The following ATP8A2 variants were observed in gnomAD, a reference collection of about 807,000 sequenced individuals.
ATP8A2 encodes the protein phospholipid-transporting ATPase IB.
ATP8A2 carries 100 observed loss-of-function variants against 165.6 expected under a neutral mutation model. The ratio of observed to expected loss-of-function variants is 0.60; its 90% CI spans 0.51 to 0.71. The LOEUF is 0.71. Ranked by LOEUF, ATP8A2 falls within the 30% of genes least tolerant of loss-of-function variation. ATP8A2 has a pLI of 0.00. For missense variants in ATP8A2, 1,227 were observed against 1,479.5 expected, an observed-to-expected ratio of 0.83 and a Z score of 2.80; for synonymous variants, 543 against 548.8, an observed-to-expected ratio of 0.99 and a Z score of 0.15.
intron 35 of ATP8A2, among the ~76,000 whole-genome samples, chr13:25,983,737 G>A (rs1297799414): frequency 6.6e-6 from 1 of 152,138 alleles, no homozygotes; most frequent in Non-Finnish European, 1.5e-5. Flanking sequence ...TCAAACCCTT[G>A]CGATTTGCCA....
rs1442506467 is a variant in ATP8A2 at position 25,577,196 on chromosome 13, C to T, written c.1782+58C>T. ...GTTCTTGGCAGCTTTGTTAATCTGC[C>T]GCTTTTCCTAACTGCTTTCCTCATC... is the stretch of plus-strand genomic sequence containing the variant. On this transcript the variant is annotated intron_variant, in intron 20 of 36. Transcript: ENST00000381655. The T allele has an allele frequency of 2.1e-5, 29 of 1,389,910 alleles. No individual in the cohort carries two copies. In the East Asian group the frequency reaches 3.0e-4, roughly 14 times the overall value. 86.1% of individuals were successfully genotyped at this position (1,389,910 alleles called of 1,614,324 possible).
chr13:25,686,982 A>G (rs889630617), intron 24 of ATP8A2, among the ~76,000 whole-genome samples: 1 of 152,106 alleles, frequency 6.6e-6, no homozygotes, highest in Non-Finnish European at 1.5e-5. Context: ...CCTGTAGTCG[A>G]TGTTTCATGA....
chr13:25,913,733 A>G (rs1954188403), intron 33 of ATP8A2, among the ~76,000 whole-genome samples: 2 of 152,212 alleles, frequency 1.3e-5, no homozygotes, highest in Admixed American at 1.3e-4. Flanking sequence ...AAAAATGGTG[A>G]AAAGCAGCAT....
intron 33 of ATP8A2, among the ~76,000 whole-genome samples, chr13:25,870,138 G>T (rs557526155): frequency 6.6e-6 from 1 of 152,298 alleles, no homozygotes; most frequent in African/African-American, 2.4e-5. Context: ...GCCAAACTCT[G>T]TGTCATTCTG....
At chr13:25,903,708 C>T (rs1236606084) in intron 33 of ATP8A2, among the ~76,000 whole-genome samples, 3 of 152,304 alleles carry the variant, frequency 2.0e-5, no homozygotes, top group African/African-American at 7.2e-5. Flanking sequence ...TCAGCCCTCT[C>T]GAGGGGTCAC....
chr13:25,815,517 A>G (rs1390809646), intron 27 of ATP8A2, among the ~76,000 whole-genome samples: 3 of 152,230 alleles, frequency 2.0e-5, no homozygotes, highest in Non-Finnish European at 2.9e-5. Context: ...TAGGATGTCT[A>G]TTATCAATAG....
At chr13:25,454,851 G>A (rs552012954) in intron 1 of ATP8A2, among the ~76,000 whole-genome samples, 83 of 152,296 alleles carry the variant, frequency 5.4e-4, no homozygotes, top group Non-Finnish European at 9.4e-4. Context: ...GAACCCAGGA[G>A]GTGGAGGTTG....
chr13:25,720,806 C>G (rs1440139181), intron 25 of ATP8A2, among the ~76,000 whole-genome samples: 1 of 152,192 alleles, frequency 6.6e-6, no homozygotes, highest in East Asian at 1.9e-4. Context: ...TGTGCTACGA[C>G]AGCCTCTGCT....
chr13:25,791,565 A>ACACACACACACACACACT (rs1423280387), intron 27 of ATP8A2, among the ~76,000 whole-genome samples: 1 of 151,542 alleles, frequency 6.6e-6, no homozygotes. Context: ...ACACACACAC[A>ACACACACACACACACACT]CACACACACA....
At chr13:25,441,356 G>A (rs963961287) in intron 1 of ATP8A2, among the ~76,000 whole-genome samples, 1 of 152,164 alleles carries the variant, frequency 6.6e-6, no homozygotes, top group Admixed American at 6.5e-5. Flanking sequence ...TATTGCTTTT[G>A]GCAATTGAAT....
At position 25,420,769 on chromosome 13, in the gene ATP8A2, G is replaced by A. The variant is rs190453934; in HGVS notation, c.77-48208G>A. 2.2e-4 allele frequency among the ~76,000 whole-genome samples: 33 copies of A among 152,184 alleles called. No individual in the cohort carries two copies. The East Asian group carries it at 5.6e-3, about 26-fold the overall frequency. The stretch of plus-strand genomic sequence containing the variant: ...CAGATAGTTACCTATAAATATTTCC[G>A]GAATATTGATGGTAGGAATCGATAT... On this transcript the variant is annotated intron_variant, in intron 1 of 36. Coordinates refer to ENST00000381655, the MANE Select transcript of ATP8A2 (RefSeq NM_016529.6).
intron 27 of ATP8A2, among the ~76,000 whole-genome samples, chr13:25,777,679 C>T (rs1041447462): frequency 1.3e-5 from 2 of 152,156 alleles, no homozygotes; most frequent in African/African-American, 4.8e-5. Flanking sequence ...CACATGTGTG[C>T]ATGCACACAC....
At chr13:25,816,393 T>G (rs951342617) in intron 27 of ATP8A2, among the ~76,000 whole-genome samples, 1 of 152,202 alleles carries the variant, frequency 6.6e-6, no homozygotes, top group African/African-American at 2.4e-5. Flanking sequence ...CCTGCTAGGC[T>G]TTTGTACAAG....
At chr13:25,595,936 C>G (rs1201852062) in intron 24 of ATP8A2, among the ~76,000 whole-genome samples, 3 of 151,354 alleles carry the variant, frequency 2.0e-5, no homozygotes, top group Non-Finnish European at 4.4e-5. Flanking sequence ...AGGTCCCACT[C>G]TTTCCCATCA....
chr13:25,656,606 A>G (rs550540019), intron 24 of ATP8A2, among the ~76,000 whole-genome samples: 6 of 151,614 alleles, frequency 4.0e-5, no homozygotes, highest in African/African-American at 1.2e-4. Flanking sequence ...AAAAGTCCCA[A>G]TGGATTCAGA....
intron 24 of ATP8A2, among the ~76,000 whole-genome samples, chr13:25,605,921 G>A (rs1477753868): frequency 1.3e-5 from 2 of 152,072 alleles, no homozygotes; most frequent in Non-Finnish European, 2.9e-5. Flanking sequence ...CTTGAGTGGA[G>A]GTAATCTATA....
intron 1 of ATP8A2, among the ~76,000 whole-genome samples, chr13:25,450,046 T>G (rs1432091401): frequency 6.6e-6 from 1 of 152,196 alleles, no homozygotes; most frequent in Non-Finnish European, 1.5e-5. Flanking sequence ...TCTCATCATT[T>G]AGCTCCCACT....
At position 26,020,066 on chromosome 13, in the gene ATP8A2, C is replaced by G. The variant is rs1566359090; in HGVS notation, c.*81C>G. 9.6e-7 allele frequency: 1 copy of G among 1,039,220 alleles called. No homozygotes were observed. The highest frequency in any genetic ancestry group is 1.5e-6 in the Non-Finnish European group (1 of 678,624). The allele number at this position is 1,039,220 out of a possible 1,614,324, so 64.4% of individuals were successfully genotyped here. A position where few individuals can be genotyped will look rare whatever the true frequency, so the allele number is the denominator to read the frequency against. ...GTTAACACATCTTTGTCAGAGAAGA[C>G]TGGCGTCAGCAGCCAAAACACCAGG... On this transcript the variant is annotated 3_prime_UTR_variant, in exon 37 of 37. Coordinates refer to ENST00000381655, the MANE Select transcript of ATP8A2 (RefSeq NM_016529.6).
In ATP8A2 at chr13:25,931,876, C is replaced by T. The variant is rs771277422; in HGVS notation, c.3184-29699C>T. ...AGCCTGGCCAACATGGAGAAACCCC[C>T]GTCTCTACTAAAAATACAAAAATTA... On this transcript the variant is annotated intron_variant, in intron 33 of 36. Transcript: ENST00000381655. Among the ~76,000 whole-genome samples, 14 of 151,738 alleles carry T rather than the reference C, an allele frequency of 9.2e-5. No homozygotes were observed. The East Asian group carries it at 1.6e-3, about 17-fold the overall frequency.
Sources: gnomAD v4.1 joint callset for allele counts (sites outside exome capture counted in the v4.1 genomes callset) on GRCh38, gnomAD v4.1.1 for gene constraint, MANE v1.5 for transcripts, NCBI Gene and HGNC (gene_info 2026-07-23, HGNC 2026-07-21) for gene names.